Variants in NDUFA3 observed in about 807,000 individuals in gnomAD.
NDUFA3 encodes NADH:ubiquinone oxidoreductase subunit A3.
In NDUFA3, 10 loss-of-function variants were observed where a neutral mutation model predicts 11.4. That is an observed-to-expected ratio of 0.87 (90% CI 0.54 to 1.48). The LOEUF (loss-of-function observed/expected upper bound fraction) is 1.48. Among genes scored for constraint, NDUFA3 ranks in the 40% most tolerant of loss-of-function variants. The pLI is 0.00. For synonymous variants in NDUFA3, 39 were observed against 46.9 expected, an observed-to-expected ratio of 0.83 and a Z score of 0.68; for missense variants, 115 against 110.5, an observed-to-expected ratio of 1.04 and a Z score of -0.18.
chr19:54,106,652 CTG>C (rs2073270186), intron 3 of NDUFA3, 157 bp from the exon 4 acceptor site: 2 of 569,962 alleles, frequency 3.5e-6, no homozygotes, highest in East Asian at 3.1e-5. Context: ...CTCTCAGTCT[CTG>C]TATTTCCCGC....
Position 54,104,552 on chromosome 19 carries a change from C to G in NDUFA3, c.85+1364C>G, listed in dbSNP as rs587634990. The stretch of plus-strand genomic sequence containing the variant: ...AGGCACTAGGTTAAGGTTCTGAACA[C>G]TTATTCAGTATGGCAGCCACCAGCC... On this transcript the variant is annotated intron_variant, in intron 2 of 3. Coordinates refer to ENST00000485876, the MANE Select transcript of NDUFA3 (RefSeq NM_004542.4). 4.4e-4 allele frequency among the ~76,000 whole-genome samples: 67 copies of G among 152,262 alleles called. No homozygotes were observed. The South Asian group carries it at 0.012, about 26-fold the overall frequency.
At chr19:54,106,461 G>A (rs1402016962) in intron 3 of NDUFA3, 7 of 365,850 alleles carry the variant, frequency 1.9e-5, no homozygotes, top group Middle Eastern at 4.7e-4. Context: ...GAGCCACCGC[G>A]CCTGGCCTGT....
chr19:54,103,576 T>C (rs2073159024), intron 2 of NDUFA3, among the ~76,000 whole-genome samples: 1 of 152,150 alleles, frequency 6.6e-6, no homozygotes, highest in South Asian at 2.1e-4. Context: ...ATGATCCCAA[T>C]GTGCCTTGCT....
Position 54,105,953 on chromosome 19 carries a change from G to T in NDUFA3, c.105G>T (p.Leu35Phe). The T allele has an allele frequency of 6.2e-7, 1 of 1,613,414 alleles. No individual in the cohort carries two copies. The change falls in exon 3 of 4, where the codon TTG becomes TTT. Residue 35 changes from leucine to phenylalanine, a missense_variant. Leu to Phe is a conservative substitution (Grantham distance 22, BLOSUM62 0). Transcript: ENST00000485876. ...VGGLAVILPP[L>F]SPYFKYSVMI... ...CCACAGCTGTAATTCTGCCCCCATT[G>T]AGCCCCTACTTCAAGTACTCCGTCA...
rs917054940 is a variant in NDUFA3, at chr19:54,107,318, A to C, written c.*416A>C. The C allele has an allele frequency of 3.2e-5, 33 of 1,026,064 alleles. No individual in the cohort carries two copies. The highest frequency in any genetic ancestry group is 1.0e-4 in the Admixed American group (4 of 39,984). The allele number at this position is 1,026,064 out of a possible 1,614,324, so 63.6% of individuals were successfully genotyped here. ...GGCTGGAGTGCAGTGGTGCCATCAT[A>C]GTTCACTGCAGCCTCTGCCTCCCAG... On this transcript the variant is annotated 3_prime_UTR_variant, in exon 4 of 4. Coordinates refer to ENST00000485876, the MANE Select transcript of NDUFA3 (RefSeq NM_004542.4).
At position 54,102,861 on chromosome 19, in the gene NDUFA3, G is replaced by A; in HGVS notation, c.-18G>A. The A allele has an allele frequency of 3.1e-6, 5 of 1,607,960 alleles. No individual in the cohort carries two copies. The highest frequency in any genetic ancestry group is 4.2e-6 in the Non-Finnish European group (5 of 1,176,966). ...GGTGCTCCGCGTCCTCGCCGCTGTC[G>A]CCGCCGCGGAGACAAAGATGGCTGC... On this transcript the variant is annotated 5_prime_UTR_variant, in exon 1 of 4. Coordinates refer to ENST00000485876, the MANE Select transcript of NDUFA3 (RefSeq NM_004542.4).
intron 1 of NDUFA3, 65 bp downstream of exon 1, chr19:54,102,953 G>A: frequency 2.5e-6 from 4 of 1,588,242 alleles, no homozygotes; most frequent in Admixed American, 3.5e-5. Context: ...GCGGTCCTGG[G>A]ACTGAGGTGC....
At chr19:54,103,295 T>C in intron 2 of NDUFA3, 107 bp downstream of exon 2, 1 of 1,141,940 alleles carries the variant, frequency 8.8e-7, no homozygotes, top group South Asian at 1.6e-5. Context: ...TCCCCTCTAG[T>C]GTGTCTGCAC....
intron 3 of NDUFA3, 131 bp downstream of exon 3, chr19:54,106,142 A>AT: frequency 1.3e-6 from 1 of 800,000 alleles, no homozygotes; most frequent in East Asian, 2.6e-5. Context: ...CCCCCGTTCC[A>AT]TTTTTTAAGA....
chr19:54,104,024 G>A (rs1269048765), intron 2 of NDUFA3, among the ~76,000 whole-genome samples: 1 of 151,180 alleles, frequency 6.6e-6, no homozygotes, highest in Non-Finnish European at 1.5e-5. Flanking sequence ...CAATAGAGAC[G>A]GGGTTTCACC....
chr19:54,107,406 A>G lies in NDUFA3; in HGVS notation c.*504A>G. 1.8e-6 allele frequency: 1 copy of G among 546,932 alleles called. No homozygotes were observed. The allele number at this position is 546,932 out of a possible 1,614,324, so 33.9% of individuals were successfully genotyped here. A position where few individuals can be genotyped will look rare whatever the true frequency, so the allele number is the denominator to read the frequency against. The stretch of plus-strand genomic sequence containing the variant: ...TGGGACTACAGGCACTTGCCAACCA[A>G]GCCTAACATGTTTTTTCTTTTTGGT... On this transcript the variant is annotated 3_prime_UTR_variant, in exon 4 of 4. Coordinates refer to ENST00000485876, the MANE Select transcript of NDUFA3 (RefSeq NM_004542.4).
At chr19:54,106,174 T>C (rs1473346356) in intron 3 of NDUFA3, 163 bp downstream of exon 3, 10 of 660,062 alleles carry the variant, frequency 1.5e-5, no homozygotes, top group Non-Finnish European at 2.6e-5. Context: ...ATTCGTATAC[T>C]ATTCTGTGTT....
chr19:54,105,998 C>T lies in NDUFA3; in HGVS notation c.150C>T (p.Pro50=). 6.2e-7 allele frequency: 1 copy of T among 1,613,466 alleles called. No individual in the cohort carries two copies. The highest frequency in any genetic ancestry group is 8.5e-7 in the Non-Finnish European group (1 of 1,179,434). ...KYSVMINKAT[P]YNYPVPVRDD... ...CCGTCATGATCAACAAGGCCACGCC[C>T]TACAACTACCCAGGTGAGTGGGGGC... The change falls in exon 3 of 4, where the codon CCC becomes CCT. Residue 50 remains proline (P), a synonymous_variant. Coordinates refer to ENST00000485876, the MANE Select transcript of NDUFA3 (RefSeq NM_004542.4).
chr19:54,104,088 C>G (rs1457682036), intron 2 of NDUFA3, among the ~76,000 whole-genome samples: 3 of 150,098 alleles, frequency 2.0e-5, no homozygotes, highest in South Asian at 4.2e-4. Context: ...CCAACTCGGT[C>G]TCCCAAAGTG....
chr19:54,107,028 G>C lies in NDUFA3; in HGVS notation c.*126G>C. ...GTAGACGGTGGCCGGGGTGAGTGTG[G>C]GGTCAGTTTATTGGGCATGCGTCAG... On this transcript the variant is annotated 3_prime_UTR_variant, in exon 4 of 4. Coordinates refer to ENST00000485876, the MANE Select transcript of NDUFA3 (RefSeq NM_004542.4). 2 of 1,611,744 alleles carry C rather than the reference G, an allele frequency of 1.2e-6. No homozygotes were observed. The highest frequency in any genetic ancestry group is 1.7e-6 in the Non-Finnish European group (2 of 1,178,746).
intron 2 of NDUFA3, among the ~76,000 whole-genome samples, chr19:54,103,490 C>A (rs587691683): frequency 6.6e-6 from 1 of 152,120 alleles, no homozygotes; most frequent in Non-Finnish European, 1.5e-5. Flanking sequence ...TTTCATCTTT[C>A]CTCTCCCCCA....
Position 54,106,438 on chromosome 19 carries a change from G to A in NDUFA3, c.164-373G>A, listed in dbSNP as rs587735607. The A allele has an allele frequency of 9.1e-4, 308 of 338,496 alleles. 1 individual carries two copies. The highest frequency in any genetic ancestry group is 6.3e-3 in the African/African-American group (293 of 46,420). The allele number at this position is 338,496 out of a possible 1,614,324, so 21.0% of individuals were successfully genotyped here. On this transcript the variant is annotated intron_variant, in intron 3 of 3. Coordinates refer to ENST00000485876, the MANE Select transcript of NDUFA3 (RefSeq NM_004542.4). ...CTCACCTCGGCCTCCCAAAGTGCTG[G>A]GATTACAGGTGTGAGCCACCGCGCC...
Position 54,107,043 on chromosome 19 carries a change from G to T in NDUFA3, c.*141G>T. 1 of 1,613,358 alleles carries T rather than the reference G, an allele frequency of 6.2e-7. No homozygotes were observed. On this transcript the variant is annotated 3_prime_UTR_variant, in exon 4 of 4. Coordinates refer to ENST00000485876, the MANE Select transcript of NDUFA3 (RefSeq NM_004542.4). The stretch of plus-strand genomic sequence containing the variant: ...GGTGAGTGTGGGGTCAGTTTATTGG[G>T]CATGCGTCAGTCAGAGGCTGGGCTG...
chr19:54,104,430 A>T (rs1446373515), intron 2 of NDUFA3, among the ~76,000 whole-genome samples: 1 of 151,882 alleles, frequency 6.6e-6, no homozygotes, highest in Non-Finnish European at 1.5e-5. Context: ...CGCCCGGCCA[A>T]ACTGTAGGTT....
Sources: allele counts gnomAD v4.1 joint callset (sites outside exome capture counted in the v4.1 genomes callset), GRCh38; gene constraint gnomAD v4.1.1; transcripts MANE v1.5; gene names NCBI Gene and HGNC (gene_info 2026-07-23, HGNC 2026-07-21).